CFAP46: variants seen among roughly 807,000 people sequenced by gnomAD.
CFAP46 encodes cilia- and flagella-associated protein 46.
In CFAP46, 245 loss-of-function variants were observed where a neutral mutation model predicts 325.7. The ratio of observed to expected loss-of-function variants is 0.75; its 90% confidence interval spans 0.68 to 0.84. The LOEUF (loss-of-function observed/expected upper bound fraction) is 0.84. Ranked by LOEUF, CFAP46 falls within the 40% of genes least tolerant of loss-of-function variation. The pLI, the probability that CFAP46 is intolerant of heterozygous loss-of-function variation, is 0.00. For missense variants in CFAP46, 3,346 were observed against 3,543.0 expected, an observed-to-expected ratio of 0.94 and a Z score of 1.41; for synonymous variants, 1,523 against 1,495.9, an observed-to-expected ratio of 1.02 and a Z score of -0.42.
Position 132,904,402 on chromosome 10 carries a change from TG to T in CFAP46, c.2924+4065del, listed in dbSNP as rs986432162. On this transcript the variant is annotated intron_variant, in intron 22 of 57. Transcript: ENST00000368586. ...GCGCCCAGGGCAGAGGGGCTCCCGC[TG>T]GGACGCAATGACACCAAGGGCCACT... Among the ~76,000 whole-genome samples the T allele has an allele frequency of 8.7e-5, 7 of 80,210 alleles. No homozygotes were observed. In the East Asian group the frequency reaches 2.6e-3, roughly 30 times the overall value. 52.6% of individuals were successfully genotyped at this position (80,210 alleles called of 152,430 possible).
intron 50 of CFAP46, among the ~76,000 whole-genome samples, chr10:132,816,499 T>C (rs1449950703): frequency 2.0e-5 from 3 of 151,756 alleles, no homozygotes; most frequent in Non-Finnish European, 2.9e-5. Flanking sequence ...GCCCGGCTAA[T>C]TTTGTGTATT....
intron 9 of CFAP46, among the ~76,000 whole-genome samples, chr10:132,926,946 C>T (rs1849820182): frequency 6.6e-6 from 1 of 152,214 alleles, no homozygotes. Context: ...GCCCCCAACA[C>T]CTGGTACCCA....
chr10:132,833,369 T>C lies in CFAP46; in HGVS notation c.7106A>G (p.Lys2369Arg), dbSNP rs1163236611. 9 of 1,613,698 alleles carry C rather than the reference T, an allele frequency of 5.6e-6. No homozygotes were observed. Among genetic ancestry groups the C allele is most frequent in the Non-Finnish European group, 7.6e-6 (9 of 1,179,808 alleles). Reference protein sequence around the residue: ...SLQMLWNRLHKEETEGGVKKE... With the variant: ...SLQMLWNRLHREETEGGVKKE... The stretch of plus-strand genomic sequence containing the variant: ...AGGGCAGTTCCTACCTGTCTCTTCT[T>C]TATGGAGGCGATTCCACAGCATTTG... The change falls in exon 50 of 58, where the codon AAA (lysine) becomes AGA (arginine). Residue 2369 changes from lysine (K) to arginine (R), a missense_variant. Lys to Arg is a conservative substitution (Grantham distance 26). Coordinates refer to ENST00000368586, the MANE Select transcript of CFAP46 (RefSeq NM_001200049.3).
intron 29 of CFAP46, 73 bp downstream of exon 29, chr10:132,879,353 A>G: frequency 3.7e-6 from 5 of 1,367,036 alleles, no homozygotes; most frequent in Non-Finnish European, 4.8e-6. Context: ...TACAACGCTC[A>G]CTGCGGTTTC....
chr10:132,888,678 G>A (rs1228070023), intron 25 of CFAP46, among the ~76,000 whole-genome samples: 24 of 61,630 alleles, frequency 3.9e-4, no homozygotes, highest in Admixed American at 2.7e-3. Context: ...CACCCCTGCC[G>A]CCTGCACCTG....
At chr10:132,913,501 G>T (rs117046796) in intron 17 of CFAP46, among the ~76,000 whole-genome samples, 1 of 152,154 alleles carries the variant, frequency 6.6e-6, no homozygotes, top group Non-Finnish European at 1.5e-5. Flanking sequence ...ACCCTATTGC[G>T]ATCAGCGCAT....
rs150628200 is a variant in CFAP46, at chr10:132,827,831, G to A, written c.7117+5527C>T. On this transcript the variant is annotated intron_variant, in intron 50 of 57. Coordinates refer to ENST00000368586, the MANE Select transcript of CFAP46 (RefSeq NM_001200049.3). This position sits in a 1 kb window ranked among gnomAD's most constrained non-coding sequence, Gnocchi z 5.7. ...TTACCTGCCTTCTGACTTGTACATT[G>A]GTTTGTATTTCCCAGGCTTTTGTAA... Among the ~76,000 whole-genome samples the A allele has an allele frequency of 3.0e-4, 45 of 147,936 alleles. 1 individual carries two copies. Among genetic ancestry groups the A allele is most frequent in the African/African-American group, 1.1e-3 (44 of 39,986 alleles).
Position 132,834,763 on chromosome 10 carries a change from G to T in CFAP46, c.6757C>A (p.Leu2253Met). 2 of 1,612,134 alleles carry T rather than the reference G, an allele frequency of 1.2e-6. No homozygotes were observed. Among genetic ancestry groups the T allele is most frequent in the Non-Finnish European group, 1.7e-6 (2 of 1,179,118 alleles). The change falls in exon 48 of 58, where the codon CTG (leucine) becomes ATG (methionine). Residue 2253 changes from leucine (L) to methionine (M), a missense_variant. Physicochemically the swap from Leu to Met is conservative, Grantham distance 15. Transcript: ENST00000368586. ...ALNIGSEPEGLQVEEKERPVQ... is the reference protein window; with the variant it reads ...ALNIGSEPEGMQVEEKERPVQ... ...GGGCGCTCCTTCTCTTCCACCTGCA[G>T]GCCTTCTGGTTCCTACCGCAATCCA...
chr10:132,898,681 C>T, intron 24 of CFAP46: 1 of 512,324 alleles, frequency 2.0e-6, no homozygotes. Context: ...CTGTGCTGGC[C>T]TCACTCTACC....
chr10:132,910,876 TC>T (rs1323916933), intron 19 of CFAP46, among the ~76,000 whole-genome samples: 1 of 150,696 alleles, frequency 6.6e-6, no homozygotes, highest in Non-Finnish European at 1.5e-5. Context: ...GAGCACTCAC[TC>T]CCCTGTTCAC....
rs1847711454 is a variant in CFAP46 at position 132,817,197 on chromosome 10, G to A, written c.7118-2283C>T. Reference sequence around the variant, plus strand: ...GAGGCTATTTCATACCTCTGAGGAGGCGAACTTTCGATTCTCATGATGTCC... The same window carrying A: ...GAGGCTATTTCATACCTCTGAGGAGACGAACTTTCGATTCTCATGATGTCC... On this transcript the variant is annotated intron_variant, in intron 50 of 57. Coordinates refer to ENST00000368586, the MANE Select transcript of CFAP46 (RefSeq NM_001200049.3). The surrounding 1 kb of genome is among the most constrained non-coding windows in gnomAD (Gnocchi z 4.4). Among the ~76,000 whole-genome samples, 1 of 152,156 alleles carries A rather than the reference G, an allele frequency of 6.6e-6. No individual in the cohort carries two copies. Among genetic ancestry groups the A allele is most frequent in the South Asian group, 2.1e-4 (1 of 4,826 alleles).
chr10:132,808,758 C>A lies in CFAP46; in HGVS notation c.7811G>T (p.Gly2604Val). 6.3e-7 allele frequency: 1 copy of A among 1,583,908 alleles called. No individual in the cohort carries two copies. The highest frequency in any genetic ancestry group is 2.3e-5 in the East Asian group (1 of 43,264). Residue 2604 changes from glycine (G) to valine (V), a missense_variant, in exon 58 of 58, where the codon GGG (glycine) becomes GTG (valine). By Grantham distance (109) the Gly-to-Val change is moderately radical. Transcript: ENST00000368586. This position sits in a 1 kb window ranked among gnomAD's most constrained non-coding sequence, Gnocchi z 6.8. The part of the protein sequence containing the change: ...QAWTCLPSAA[G>V]APALASALGS... ...AAGGGCAGAGGCAAGTGCTGGGGCC[C>A]CAGCAGCTGATGGGAGGCAGGTCCA...
intron 27 of CFAP46, among the ~76,000 whole-genome samples, chr10:132,882,497 G>T (rs995685050): frequency 6.6e-6 from 1 of 151,904 alleles, no homozygotes; most frequent in African/African-American, 2.4e-5. Context: ...TCTCGAGGGG[G>T]AAGGCAAGAA....
At chr10:132,923,261 C>G (rs544274707) in intron 11 of CFAP46, among the ~76,000 whole-genome samples, 142 of 147,624 alleles carry the variant, frequency 9.6e-4, no homozygotes, top group African/African-American at 3.5e-3. Flanking sequence ...CCCTGGAACC[C>G]CTGGCCTTGA....
rs1053031930 is a variant in CFAP46, at chr10:132,847,814, C to T, written c.5953-493G>A. On this transcript the variant is annotated intron_variant, in intron 41 of 57. Transcript: ENST00000368586. The surrounding 1 kb of genome is among the most constrained non-coding windows in gnomAD (Gnocchi z 5.2). ...GTTGAGAGGGAGCCCCCTGGGTTTT[C>T]GGGACACAAGGTATCGCAGCACCAA... Among the ~76,000 whole-genome samples the T allele has an allele frequency of 2.6e-5, 4 of 152,128 alleles. No individual in the cohort carries two copies. Among genetic ancestry groups the T allele is most frequent in the Admixed American group, 6.5e-5 (1 of 15,278 alleles).
intron 9 of CFAP46, among the ~76,000 whole-genome samples, chr10:132,926,991 C>T (rs1849820952): frequency 1.3e-5 from 2 of 152,252 alleles, no homozygotes; most frequent in East Asian, 1.9e-4. Context: ...CCCGGGGCTG[C>T]GCTGAAGTCT....
In CFAP46 at chr10:132,877,905, C is replaced by T; in HGVS notation, c.4188G>A (p.Glu1396=). The change falls in exon 30 of 58, where the codon GAG becomes GAA. Residue 1396 remains glutamate (E), a synonymous_variant. Transcript: ENST00000368586. This position sits in a 1 kb window ranked among gnomAD's most constrained non-coding sequence, Gnocchi z 5.7. ...CCTGCTTGGGCTCCTTGACTTTCTC[C>T]TCCTTTCCCTTCTCCTTGTCCTTCT... ...SKEKDKEKGK[E]EKVKEPKQSQ... 6.5e-7 allele frequency: 1 copy of T among 1,550,184 alleles called. No homozygotes were observed. Among genetic ancestry groups the T allele is most frequent in the Non-Finnish European group, 8.7e-7 (1 of 1,147,028 alleles).
Position 132,885,225 on chromosome 10 carries a change from T to C in CFAP46, c.3505A>G (p.Ile1169Val). The part of the protein sequence containing the change: ...AKLGQNFSME[I>V]QKFKAESEDY... ...TCACTCTCGGCCTTGAATTTCTGTA[T>C]TTCCATCGAAAAATTCTGCCCGAGC... The change falls in exon 27 of 58, where the codon ATA (isoleucine) becomes GTA (valine). Residue 1169 changes from isoleucine (I) to valine (V), a missense_variant. Physicochemically the swap from Ile to Val is conservative, Grantham distance 29. Coordinates refer to ENST00000368586, the MANE Select transcript of CFAP46 (RefSeq NM_001200049.3). 6.4e-7 allele frequency: 1 copy of C among 1,550,438 alleles called. No homozygotes were observed. The highest frequency in any genetic ancestry group is 8.7e-7 in the Non-Finnish European group (1 of 1,146,956).
At chr10:132,845,398 G>A (rs1201187426) in intron 44 of CFAP46, among the ~76,000 whole-genome samples, 8 of 152,166 alleles carry the variant, frequency 5.3e-5, no homozygotes, top group Non-Finnish European at 1.2e-4. Context: ...AGTGGCGGAT[G>A]CTGCCCCCGC....
Sources: allele counts gnomAD v4.1 joint callset (sites outside exome capture counted in the v4.1 genomes callset), GRCh38; gene constraint gnomAD v4.1.1; non-coding constraint Gnocchi (gnomAD v3.1); transcripts MANE v1.5; gene names NCBI Gene and HGNC (gene_info 2026-07-23, HGNC 2026-07-21).